The following ROBO1 variants were observed in gnomAD, a reference collection of about 807,000 sequenced individuals.
ROBO1 encodes the protein roundabout homolog 1.
Under a neutral mutation model 195.9 loss-of-function variants are expected in ROBO1, and 149 were observed. The ratio of observed to expected loss-of-function variants is 0.76; its 90% CI spans 0.67 to 0.87. ROBO1 has a LOEUF of 0.87. Among genes scored for constraint, ROBO1 ranks in the 40% least tolerant of loss-of-function variants. The pLI, the probability that ROBO1 is intolerant of heterozygous loss-of-function variation, is 0.00. For missense variants in ROBO1, 1,933 were observed against 2,068.3 expected (o/e 0.93, Z 1.27); for synonymous variants, 816 against 733.2 (o/e 1.11, Z -1.82).
intron 1 of ROBO1, among the ~76,000 whole-genome samples, chr3:79,692,295 T>C (rs1249086298): frequency 6.6e-6 from 1 of 151,882 alleles, no homozygotes. Flanking sequence ...ACCATGTTTA[T>C]CTTGACAGCA....
intron 2 of ROBO1, among the ~76,000 whole-genome samples, chr3:79,272,270 T>C (rs1175577416): frequency 1.3e-5 from 2 of 152,004 alleles, no homozygotes; most frequent in Non-Finnish European, 2.9e-5. Context: ...GTGGAAGTAA[T>C]GAGTATAGTT....
chr3:79,665,785 A>C (rs1176050473), intron 1 of ROBO1, among the ~76,000 whole-genome samples: 1 of 151,928 alleles, frequency 6.6e-6, no homozygotes, highest in Non-Finnish European at 1.5e-5. Context: ...TCATAGATAA[A>C]GAGAGAAAAT....
chr3:79,266,617 C>T (rs545640768), intron 2 of ROBO1, among the ~76,000 whole-genome samples: 59 of 151,304 alleles, frequency 3.9e-4, no homozygotes, highest in Non-Finnish European at 7.7e-4. Flanking sequence ...GATAGTGGGT[C>T]CTAATAGAAA....
intron 2 of ROBO1, among the ~76,000 whole-genome samples, chr3:79,436,116 G>T (rs2038878569): frequency 6.6e-6 from 1 of 152,022 alleles, no homozygotes; most frequent in Non-Finnish European, 1.5e-5. Flanking sequence ...ACAAAAGAAA[G>T]CTACTTTAGT....
intron 1 of ROBO1, among the ~76,000 whole-genome samples, chr3:79,725,536 A>G (rs889811041): frequency 1.3e-5 from 2 of 151,980 alleles, no homozygotes; most frequent in African/African-American, 4.8e-5. Context: ...CTCTCTTCTT[A>G]CTTATATCTG....
intron 2 of ROBO1, among the ~76,000 whole-genome samples, chr3:79,574,847 TA>T (rs1943398390): frequency 6.6e-6 from 1 of 151,562 alleles, no homozygotes; most frequent in South Asian, 2.1e-4. Flanking sequence ...ATTTTATTTA[TA>T]ATTGAACTCC....
intron 3 of ROBO1, among the ~76,000 whole-genome samples, chr3:78,943,253 T>C (rs1388230915): frequency 6.6e-6 from 1 of 152,140 alleles, no homozygotes; most frequent in Non-Finnish European, 1.5e-5. Flanking sequence ...TGTTTTGTTT[T>C]GTTTTTAAGT....
chr3:79,162,022 T>C (rs940318241), intron 2 of ROBO1, among the ~76,000 whole-genome samples: 1 of 152,168 alleles, frequency 6.6e-6, no homozygotes, highest in African/African-American at 2.4e-5. Context: ...AGTTGAGTAA[T>C]TTCTTTCCTT....
At chr3:79,387,229 T>C (rs1020780390) in intron 2 of ROBO1, among the ~76,000 whole-genome samples, 1 of 152,070 alleles carries the variant, frequency 6.6e-6, no homozygotes, top group African/African-American at 2.4e-5. Context: ...TTGATGATAA[T>C]ACAAATCATG....
At chr3:78,664,819 T>A (rs1417992517) in intron 14 of ROBO1, among the ~76,000 whole-genome samples, 2 of 152,218 alleles carry the variant, frequency 1.3e-5, no homozygotes. Context: ...GTTTGCCTTC[T>A]GGTCCCTCCA....
At chr3:79,043,151 A>G (rs1000657410) in intron 3 of ROBO1, among the ~76,000 whole-genome samples, 4 of 152,176 alleles carry the variant, frequency 2.6e-5, no homozygotes, top group African/African-American at 9.6e-5. Flanking sequence ...AAGAAACAGT[A>G]GATGCAATTC....
intron 2 of ROBO1, among the ~76,000 whole-genome samples, chr3:79,487,729 C>A (rs573924450): frequency 6.6e-6 from 1 of 152,170 alleles, no homozygotes; most frequent in Non-Finnish European, 1.5e-5. Flanking sequence ...CTTTTCTAAG[C>A]CCATAAATAA....
intron 4 of ROBO1, among the ~76,000 whole-genome samples, chr3:78,816,437 T>A (rs1200756759): frequency 6.6e-6 from 1 of 152,186 alleles, no homozygotes; most frequent in Non-Finnish European, 1.5e-5. Flanking sequence ...ACCCATTCTA[T>A]AATCCTTGGA....
intron 2 of ROBO1, among the ~76,000 whole-genome samples, chr3:79,426,184 C>G (rs1287940889): frequency 8.6e-5 from 13 of 152,040 alleles, no homozygotes. Context: ...ATCATTGCAT[C>G]AACACCTGAT....
chr3:79,635,325 C>A (rs1398781071), intron 1 of ROBO1, among the ~76,000 whole-genome samples: 1 of 152,142 alleles, frequency 6.6e-6, no homozygotes, highest in Non-Finnish European at 1.5e-5. Flanking sequence ...TTGCTAATTT[C>A]CAACAGGGTG....
At chr3:79,228,633 G>A (rs569252646) in intron 2 of ROBO1, among the ~76,000 whole-genome samples, 1 of 152,158 alleles carries the variant, frequency 6.6e-6, no homozygotes, top group East Asian at 1.9e-4. Flanking sequence ...AATTAGGAGG[G>A]GGCTGAGGTT....
intron 4 of ROBO1, among the ~76,000 whole-genome samples, chr3:78,924,484 A>C (rs1276131708): frequency 1.3e-5 from 2 of 152,124 alleles, no homozygotes; most frequent in African/African-American, 4.8e-5. Context: ...CATATGTTTC[A>C]ACTTTATTTT....
At chr3:79,070,894 TA>T (rs1372547058) in intron 3 of ROBO1, among the ~76,000 whole-genome samples, 1 of 151,834 alleles carries the variant, frequency 6.6e-6, no homozygotes, top group East Asian at 1.9e-4. Context: ...TAATTCTTTT[TA>T]TACTGACTTT....
intron 1 of ROBO1, among the ~76,000 whole-genome samples, chr3:79,739,369 T>A (rs1703526641): frequency 6.6e-6 from 1 of 152,100 alleles, no homozygotes. Context: ...TAAGTATAAT[T>A]TTTAACATGA....
Sources: gnomAD v4.1 joint callset for allele counts (sites outside exome capture counted in the v4.1 genomes callset) on GRCh38, gnomAD v4.1.1 for gene constraint, MANE v1.5 for transcripts, NCBI Gene and HGNC (gene_info 2026-07-23, HGNC 2026-07-21) for gene names.